Variants in PTPRK observed in about 807,000 individuals in gnomAD.
PTPRK encodes protein tyrosine phosphatase receptor type K, also known as receptor-type tyrosine-protein phosphatase kappa.
In PTPRK, 75 loss-of-function variants were observed where a neutral mutation model predicts 178.0. That is an observed-to-expected ratio of 0.42 (90% CI 0.35 to 0.51). The LOEUF (loss-of-function observed/expected upper bound fraction) is 0.51. Ranked by LOEUF, PTPRK falls within the 20% of genes least tolerant of loss-of-function variation. The pLI, the probability that PTPRK is intolerant of heterozygous loss-of-function variation, is 0.02. For synonymous variants in PTPRK, 637 were observed against 620.6 expected (o/e 1.03, Z -0.39); for missense variants, 1,441 against 1,797.8 (o/e 0.80, Z 3.59).
chr6:128,022,089 C>G (rs1773599158), intron 13 of PTPRK, among the ~76,000 whole-genome samples: 1 of 152,078 alleles, frequency 6.6e-6, no homozygotes, highest in Non-Finnish European at 1.5e-5. Context: ...GATTTGACCA[C>G]CAACACTCTG....
intron 14 of PTPRK, among the ~76,000 whole-genome samples, chr6:128,008,876 C>T (rs1778734584): frequency 1.3e-5 from 2 of 151,034 alleles, no homozygotes; most frequent in Admixed American, 1.3e-4. Flanking sequence ...GCATTTGAGA[C>T]ATTTAAATTC....
chr6:128,215,495 G>A (rs1329250612), intron 6 of PTPRK, among the ~76,000 whole-genome samples: 2 of 152,154 alleles, frequency 1.3e-5, no homozygotes, highest in Non-Finnish European at 2.9e-5. Context: ...TGTCAATAGA[G>A]ATTGGCCTCC....
At chr6:128,357,602 A>G (rs1427276072) in intron 2 of PTPRK, among the ~76,000 whole-genome samples, 1 of 152,222 alleles carries the variant, frequency 6.6e-6, no homozygotes, top group Non-Finnish European at 1.5e-5. Context: ...CGCTGTTCCC[A>G]GCCTCAGTCT....
At chr6:128,267,376 C>T (rs2128295889) in intron 3 of PTPRK, among the ~76,000 whole-genome samples, 1 of 152,126 alleles carries the variant, frequency 6.6e-6, no homozygotes, top group East Asian at 1.9e-4. Flanking sequence ...ATTTAAAACC[C>T]ATGTATTCCA....
chr6:128,242,939 G>A (rs937290652), intron 3 of PTPRK, among the ~76,000 whole-genome samples: 4 of 152,028 alleles, frequency 2.6e-5, no homozygotes, highest in Admixed American at 2.0e-4. Flanking sequence ...TTCCATTTTT[G>A]TTGTTTACTT....
intron 6 of PTPRK, among the ~76,000 whole-genome samples, chr6:128,197,067 G>A (rs1448915095): frequency 6.6e-6 from 1 of 151,960 alleles, no homozygotes; most frequent in Non-Finnish European, 1.5e-5. Flanking sequence ...ATGAAATTTT[G>A]TAAAATGATG....
At chr6:128,432,414 G>T (rs914685590) in intron 1 of PTPRK, among the ~76,000 whole-genome samples, 1 of 152,110 alleles carries the variant, frequency 6.6e-6, no homozygotes, top group African/African-American at 2.4e-5. Context: ...CTAAACAAAT[G>T]TACATTTTTC....
intron 1 of PTPRK, among the ~76,000 whole-genome samples, chr6:128,402,768 A>C (rs76397152): frequency 6.6e-6 from 1 of 152,212 alleles, no homozygotes; most frequent in South Asian, 2.1e-4. Context: ...AAATAGGAAA[A>C]ATTCCAAGTA....
intron 5 of PTPRK, among the ~76,000 whole-genome samples, chr6:128,237,061 A>C (rs1813420774): frequency 6.6e-6 from 1 of 152,202 alleles, no homozygotes; most frequent in Admixed American, 6.5e-5. Context: ...GAAATTTTTC[A>C]GTTTTTCCAT....
intron 1 of PTPRK, among the ~76,000 whole-genome samples, chr6:128,435,505 T>A (rs940054365): frequency 6.6e-6 from 1 of 152,202 alleles, no homozygotes; most frequent in Admixed American, 6.5e-5. Context: ...GGTTTAAATT[T>A]GAATTTACTA....
rs1777626446 is a variant in PTPRK at position 128,000,081 on chromosome 6, A to G, written c.2495-1177T>C. 1.5e-5 allele frequency: 14 copies of G among 957,878 alleles called. No individual in the cohort carries two copies. The South Asian group carries it at 5.8e-4, about 39-fold the overall frequency. 59.3% of individuals were successfully genotyped at this position (957,878 alleles called of 1,614,324 possible). On this transcript the variant is annotated intron_variant, in intron 15 of 29. Transcript: ENST00000368226. ...TTATCACATTTAAACTTACCACTTAAAAAAAAAAACAAATGTTTTAAGGGG... is the reference window on the plus strand; with the variant it reads ...TTATCACATTTAAACTTACCACTTAGAAAAAAAAACAAATGTTTTAAGGGG...
chr6:127,973,683 G>A lies in PTPRK; in HGVS notation c.4114C>T (p.Arg1372Trp), dbSNP rs1344743013. The A allele has an allele frequency of 1.2e-6, 2 of 1,613,734 alleles. No homozygotes were observed. Among genetic ancestry groups the A allele is most frequent in the African/African-American group, 1.3e-5 (1 of 74,964 alleles). The change falls in exon 28 of 30, where the codon CGG (arginine) becomes TGG (tryptophan). Residue 1372 changes from arginine to tryptophan, a missense_variant. Physicochemically the swap from Arg to Trp is moderately radical, Grantham distance 101. Coordinates refer to ENST00000368226, the MANE Select transcript of PTPRK (RefSeq NM_002844.4). ...ACTCACAGGCAGTGGATAATCGTCC[G>A]GCCTTCCCCTTCCTCGCATTCCTCC... is the stretch of plus-strand genomic sequence containing the variant. Reference protein sequence around the residue: ...WQEECEEGEGRTIIHCLNGGG... With the variant: ...WQEECEEGEGWTIIHCLNGGG...
At chr6:128,064,551 C>A (rs1781418960) in intron 13 of PTPRK, among the ~76,000 whole-genome samples, 1 of 152,144 alleles carries the variant, frequency 6.6e-6, no homozygotes, top group African/African-American at 2.4e-5. Context: ...TTTTCTAGAT[C>A]TTTCCTGTTA....
intron 1 of PTPRK, among the ~76,000 whole-genome samples, chr6:128,423,376 T>C (rs1181018921): frequency 6.6e-6 from 1 of 152,134 alleles, no homozygotes; most frequent in African/African-American, 2.4e-5. Context: ...TTTTGTTGAA[T>C]CTATATTTGT....
chr6:128,491,790 T>C (rs1345597690), intron 1 of PTPRK: 1 of 518,520 alleles, frequency 1.9e-6, no homozygotes, highest in Non-Finnish European at 3.9e-6. Context: ...AGATGGCGAA[T>C]GGAATGGCAG....
chr6:128,300,993 T>C (rs1825515745), intron 3 of PTPRK, among the ~76,000 whole-genome samples: 1 of 152,068 alleles, frequency 6.6e-6, no homozygotes, highest in Non-Finnish European at 1.5e-5. Context: ...CTTATAATGT[T>C]AGCTGTTCAT....
intron 25 of PTPRK, 108 bp downstream of exon 25, chr6:127,981,008 T>C: frequency 8.8e-7 from 1 of 1,133,146 alleles, no homozygotes; most frequent in Non-Finnish European, 1.2e-6. Flanking sequence ...TTTCCACTTT[T>C]CCTTTTTAGG....
chr6:128,436,621 T>C lies in PTPRK; in HGVS notation c.101-38933A>G, dbSNP rs74904836. 1.3e-4 allele frequency among the ~76,000 whole-genome samples: 20 copies of C among 152,186 alleles called. No homozygotes were observed. In the East Asian group the frequency reaches 3.3e-3, roughly 25 times the overall value. ...TGATTTTTTTTTTTATAAAATGATA[T>C]GCTGAGAACTTCACATGCATTTTTT... On this transcript the variant is annotated intron_variant, in intron 1 of 29. Coordinates refer to ENST00000368226, the MANE Select transcript of PTPRK (RefSeq NM_002844.4).
At chr6:128,458,392 T>C (rs1465235329) in intron 1 of PTPRK, among the ~76,000 whole-genome samples, 1 of 152,168 alleles carries the variant, frequency 6.6e-6, no homozygotes, top group Non-Finnish European at 1.5e-5. Flanking sequence ...CTTACAGATA[T>C]GAGTATGCAG....
Sources: allele counts gnomAD v4.1 joint callset (sites outside exome capture counted in the v4.1 genomes callset), GRCh38; gene constraint gnomAD v4.1.1; transcripts MANE v1.5; gene names NCBI Gene and HGNC (gene_info 2026-07-23, HGNC 2026-07-21).